The following CDH10 variants were observed in gnomAD, a reference collection of about 807,000 sequenced individuals.
CDH10 encodes the protein cadherin 10, also known as cadherin-10.
In CDH10, 30 loss-of-function variants were observed where a neutral mutation model predicts 73.1. The ratio of observed to expected loss-of-function variants is 0.41; its 90% CI spans 0.31 to 0.56. The LOEUF is 0.56. CDH10 is among the 20% of genes least tolerant of loss of function. The pLI, the probability that CDH10 is intolerant of heterozygous loss-of-function variation, is 0.27. For missense variants in CDH10, 815 were observed against 973.7 expected (o/e 0.84, Z 2.17); for synonymous variants, 345 against 348.2 (o/e 0.99, Z 0.10).
intron 2 of CDH10, among the ~76,000 whole-genome samples, chr5:24,572,897 G>A (rs1579826629): frequency 7.5e-6 from 1 of 133,764 alleles, no homozygotes; most frequent in East Asian, 2.2e-4. Flanking sequence ...TCAGTCATAA[G>A]GACCTGGTCA....
chr5:24,504,506 C>CTT (rs70965605), intron 8 of CDH10, among the ~76,000 whole-genome samples: 4 of 65,158 alleles, frequency 6.1e-5, no homozygotes, highest in Non-Finnish European at 8.8e-5. Flanking sequence ...TCCTATTAAT[C>CTT]TTTTTTTTTT....
intron 1 of CDH10, among the ~76,000 whole-genome samples, chr5:24,604,898 A>AAAAAAAAAAAAAC (rs1746703525): frequency 4.1e-5 from 6 of 147,572 alleles, no homozygotes; most frequent in African/African-American, 1.6e-4. Flanking sequence ...AAAAAAAACA[A>AAAAAAAAAAAAAC]AAACAAACAA....
intron 5 of CDH10, among the ~76,000 whole-genome samples, chr5:24,519,713 T>C (rs945151812): frequency 6.6e-6 from 1 of 152,216 alleles, no homozygotes; most frequent in Non-Finnish European, 1.5e-5. Flanking sequence ...GTTAAAAGTA[T>C]GTGGTAGAAT....
At chr5:24,642,432 T>C (rs1002403542) in intron 1 of CDH10, among the ~76,000 whole-genome samples, 15 of 152,174 alleles carry the variant, frequency 9.9e-5, no homozygotes, top group African/African-American at 3.6e-4. Flanking sequence ...ATTTTGGAAT[T>C]AACCTTTCCA....
chr5:24,614,434 A>G (rs1216799747), intron 1 of CDH10, among the ~76,000 whole-genome samples: 1 of 152,212 alleles, frequency 6.6e-6, no homozygotes, highest in African/African-American at 2.4e-5. Flanking sequence ...CAGAATTTGG[A>G]AAACACTAAT....
At chr5:24,509,896 T>C in intron 6 of CDH10, 77 bp from the exon 7 acceptor site, 2 of 1,186,974 alleles carry the variant, frequency 1.7e-6, no homozygotes, top group Non-Finnish European at 2.4e-6. Context: ...CAGTATGATT[T>C]TTAAGTTGTG....
At chr5:24,583,002 T>C (rs1745858587) in intron 2 of CDH10, among the ~76,000 whole-genome samples, 1 of 152,130 alleles carries the variant, frequency 6.6e-6, no homozygotes, top group Non-Finnish European at 1.5e-5. Flanking sequence ...TGTAGTCATA[T>C]TTCCTAAAGA....
Position 24,557,466 on chromosome 5 carries a change from T to C in CDH10, c.232-19792A>G, listed in dbSNP as rs571053734. On this transcript the variant is annotated intron_variant, in intron 2 of 11. Transcript: ENST00000264463. ...GCTGACTGAAAAAAAACTCAATACATTTACATATAATTTCATGCTTAATTT... is the reference window on the plus strand; with the variant it reads ...GCTGACTGAAAAAAAACTCAATACACTTACATATAATTTCATGCTTAATTT... 3.3e-5 allele frequency among the ~76,000 whole-genome samples: 5 copies of C among 151,834 alleles called. No homozygotes were observed. In the South Asian group the frequency reaches 8.3e-4, roughly 25 times the overall value.
chr5:24,593,374 T>C lies in CDH10; in HGVS notation c.117A>G (p.Ser39=), dbSNP rs2112093239. ...TTTTGCCATCACTCCTTGGTACACG[T>C]GAACTTAAAATTCTTTGCTGTGGCA... ...TPVPQQRILS[S]RVPRSDGKIL... The change falls in exon 2 of 12, where the codon TCA becomes TCG. Residue 39 remains serine (S), a synonymous_variant. Coordinates refer to ENST00000264463, the MANE Select transcript of CDH10 (RefSeq NM_006727.5). 1 of 1,612,878 alleles carries C rather than the reference T, an allele frequency of 6.2e-7. No individual in the cohort carries two copies. Among genetic ancestry groups the C allele is most frequent in the Non-Finnish European group, 8.5e-7 (1 of 1,178,978 alleles).
intron 1 of CDH10, among the ~76,000 whole-genome samples, chr5:24,623,033 T>C (rs776536488): frequency 6.6e-6 from 1 of 152,136 alleles, no homozygotes; most frequent in Non-Finnish European, 1.5e-5. Context: ...GTTCTTATAA[T>C]GCCAATTGTA....
At chr5:24,611,516 C>T (rs1046188969) in intron 1 of CDH10, among the ~76,000 whole-genome samples, 5 of 152,020 alleles carry the variant, frequency 3.3e-5, no homozygotes, top group African/African-American at 4.8e-5. Context: ...TGTAAAATAT[C>T]GAAAAATATA....
intron 2 of CDH10, among the ~76,000 whole-genome samples, chr5:24,588,679 C>T (rs1746098441): frequency 1.3e-5 from 2 of 152,114 alleles, no homozygotes; most frequent in South Asian, 4.1e-4. Flanking sequence ...CACAGTCTAA[C>T]CTGGTGGACA....
At chr5:24,582,745 A>G (rs1452738360) in intron 2 of CDH10, among the ~76,000 whole-genome samples, 7 of 152,222 alleles carry the variant, frequency 4.6e-5, no homozygotes, top group African/African-American at 9.6e-5. Flanking sequence ...GCAAAACGCA[A>G]AATGCTTCAA....
intron 1 of CDH10, among the ~76,000 whole-genome samples, chr5:24,619,195 AT>A (rs544855955): frequency 0.015 from 2,194 of 147,742 alleles, 46 homozygotes; most frequent in African/African-American, 0.048. Flanking sequence ...GATTTAGATG[AT>A]TTTTTTTTTT....
In CDH10 at chr5:24,597,924, A is replaced by G. The variant is rs1746427726; in HGVS notation, c.-123-4311T>C. Among the ~76,000 whole-genome samples the G allele has an allele frequency of 2.0e-5, 3 of 151,960 alleles. No individual in the cohort carries two copies. In the South Asian group the frequency reaches 6.2e-4, roughly 32 times the overall value. ...AATTTATTATGTTGATTAGGATCCT[A>G]ATGTACCAGCTTTTAAAAATATATA... On this transcript the variant is annotated intron_variant, in intron 1 of 11. Coordinates refer to ENST00000264463, the MANE Select transcript of CDH10 (RefSeq NM_006727.5).
At chr5:24,500,065 T>G (rs1316848434) in intron 8 of CDH10, among the ~76,000 whole-genome samples, 3 of 152,204 alleles carry the variant, frequency 2.0e-5, no homozygotes, top group African/African-American at 7.2e-5. Flanking sequence ...TCAACCAACA[T>G]GGGCTGTGGA....
intron 1 of CDH10, among the ~76,000 whole-genome samples, chr5:24,633,436 G>GA: frequency 6.6e-6 from 1 of 151,892 alleles, no homozygotes; most frequent in East Asian, 1.9e-4. Flanking sequence ...TGAACCCACT[G>GA]AAAAATGCAT....
intron 1 of CDH10, among the ~76,000 whole-genome samples, chr5:24,610,337 A>C (rs1276235076): frequency 1.3e-5 from 2 of 152,184 alleles, no homozygotes; most frequent in Non-Finnish European, 1.5e-5. Context: ...CTTAAATATA[A>C]ACTTAATTTT....
intron 2 of CDH10, among the ~76,000 whole-genome samples, chr5:24,542,390 T>C (rs1744186207): frequency 6.6e-6 from 1 of 152,166 alleles, no homozygotes; most frequent in South Asian, 2.1e-4. Context: ...CATAAGTTTA[T>C]AATACTGTAT....
Sources: allele counts gnomAD v4.1 joint callset (sites outside exome capture counted in the v4.1 genomes callset), GRCh38; gene constraint gnomAD v4.1.1; transcripts MANE v1.5; gene names NCBI Gene and HGNC (gene_info 2026-07-23, HGNC 2026-07-21).